Variants in FYN observed in about 807,000 individuals in gnomAD.
FYN encodes FYN proto-oncogene, Src family tyrosine kinase.
Under a neutral mutation model 70.2 loss-of-function variants are expected in FYN, and 10 were observed. The ratio of observed to expected loss-of-function variants is 0.14; its 90% confidence interval spans 0.09 to 0.24. FYN has a LOEUF of 0.24. Ranked by LOEUF, FYN falls within the 10% of genes least tolerant of loss-of-function variation. The probability of loss-of-function intolerance (pLI) is 1.00; values close to 1 mark genes in which losing one functional copy is unlikely to be tolerated. For synonymous variants in FYN, 236 were observed against 248.6 expected, an observed-to-expected ratio of 0.95 and a Z score of 0.48; for missense variants, 319 against 673.1, an observed-to-expected ratio of 0.47 and a Z score of 5.82.
At chr6:111,699,660 A>G (rs921010029) in intron 9 of FYN, 13 of 1,613,540 alleles carry the variant, frequency 8.1e-6, no homozygotes, top group East Asian at 2.2e-5. Flanking sequence ...AACACAAACC[A>G]TCAGCTTTCT....
Position 111,661,563 on chromosome 6 carries a change from G to A in FYN, c.*176C>T, listed in dbSNP as rs991117503. On this transcript the variant is annotated 3_prime_UTR_variant, in exon 14 of 14. Transcript: ENST00000354650. The surrounding 1 kb of genome is among the most constrained non-coding windows in gnomAD (Gnocchi z 4.0). Reference sequence around the variant, plus strand: ...CTCGAATGCTTCACAGAGGAGGTTCGGATTTGGGGACAAGTGTCATTAATG... The same window carrying A: ...CTCGAATGCTTCACAGAGGAGGTTCAGATTTGGGGACAAGTGTCATTAATG... 3.3e-5 allele frequency: 20 copies of A among 608,620 alleles called. No individual in the cohort carries two copies. Among genetic ancestry groups the A allele is most frequent in the Non-Finnish European group, 4.6e-5 (16 of 345,180 alleles). The allele number at this position is 608,620 out of a possible 1,614,324, so 37.7% of individuals were successfully genotyped here.
chr6:111,714,654 A>C (rs706885), intron 4 of FYN, among the ~76,000 whole-genome samples: 19,946 of 152,166 alleles, frequency 0.13, 2,538 homozygotes, highest in African/African-American at 0.33. Context: ...CTGTATCTGA[A>C]AGAAACCTAG....
Position 111,704,005 on chromosome 6 carries a change from T to C in FYN, c.541A>G (p.Thr181Ala). 1 of 1,612,430 alleles carries C rather than the reference T, an allele frequency of 6.2e-7. No individual in the cohort carries two copies. The highest frequency in any genetic ancestry group is 1.7e-5 in the Admixed American group (1 of 59,998). Reference protein sequence around the residue: ...GTFLIRESETTKGAYSLSIRD... With the variant: ...GTFLIRESETAKGAYSLSIRD... ...CTTCAACTCGTTATCTTACCTTTGG[T>C]GGTTTCACTCTCGCGGATAAGAAAG... The change falls in exon 7 of 14, where the codon ACC (threonine) becomes GCC (alanine). Residue 181 changes from threonine to alanine, a missense_variant. Physicochemically the swap from Thr to Ala is moderately conservative, Grantham distance 58. Coordinates refer to ENST00000354650, the MANE Select transcript of FYN (RefSeq NM_002037.5).
rs1370912847 is a variant in FYN, at chr6:111,713,941, C to A, written c.344+406G>T. ...TTGCAAGCCTCAAGTGAGGGCTTAG[C>A]TAGTGTAACATCTGAAATGTGAAGA... On this transcript the variant is annotated intron_variant, in intron 5 of 13. Coordinates refer to ENST00000354650, the MANE Select transcript of FYN (RefSeq NM_002037.5). Among the ~76,000 whole-genome samples the A allele has an allele frequency of 2.0e-5, 3 of 152,204 alleles. 1 individual carries two copies. Among genetic ancestry groups the A allele is most frequent in the Admixed American group, 2.0e-4 (3 of 15,286 alleles).
chr6:111,854,413 G>C (rs915717107), intron 1 of FYN, among the ~76,000 whole-genome samples: 2 of 152,170 alleles, frequency 1.3e-5, no homozygotes, highest in Admixed American at 1.3e-4. Flanking sequence ...GGTCTTGATT[G>C]GCAGTAGGAA....
chr6:111,694,815 C>T lies in FYN; in HGVS notation c.1043-111G>A. On this transcript the variant is annotated intron_variant, in intron 10 of 13. Coordinates refer to ENST00000354650, the MANE Select transcript of FYN (RefSeq NM_002037.5). The surrounding 1 kb of genome is among the most constrained non-coding windows in gnomAD (Gnocchi z 5.0). ...AATAAGGTAGTCAAATGGAATAATG[C>T]CATCCACATGGGGGGACAAAAAGGT... 1 of 885,828 alleles carries T rather than the reference C, an allele frequency of 1.1e-6. No homozygotes were observed. Among genetic ancestry groups the T allele is most frequent in the South Asian group, 1.7e-5 (1 of 59,014 alleles). The allele number at this position is 885,828 out of a possible 1,614,324, so 54.9% of individuals were successfully genotyped here.
chr6:111,724,478 C>T (rs978583391), intron 3 of FYN, among the ~76,000 whole-genome samples: 1 of 152,152 alleles, frequency 6.6e-6, no homozygotes, highest in East Asian at 1.9e-4. Context: ...TCGTCATGTG[C>T]CAATCAATAA....
chr6:111,750,929 G>T (rs1407174860), intron 3 of FYN, among the ~76,000 whole-genome samples: 1 of 152,116 alleles, frequency 6.6e-6, no homozygotes, highest in African/African-American at 2.4e-5. Flanking sequence ...TCGTAGACAT[G>T]AATGAGTGCA....
intron 2 of FYN, among the ~76,000 whole-genome samples, chr6:111,825,173 A>T (rs1356176545): frequency 6.6e-6 from 1 of 152,220 alleles, no homozygotes; most frequent in Non-Finnish European, 1.5e-5. Flanking sequence ...ATGGTCCCGA[A>T]CAAGACAAAC....
intron 3 of FYN, among the ~76,000 whole-genome samples, chr6:111,777,276 G>C (rs1365230551): frequency 2.0e-5 from 3 of 152,090 alleles, no homozygotes; most frequent in African/African-American, 7.2e-5. Flanking sequence ...CCTCTTAGCA[G>C]CCTTTCCACT....
At chr6:111,703,153 C>T (rs1395165764) in intron 7 of FYN, 119 bp from the exon 8 acceptor site, 9 of 809,520 alleles carry the variant, frequency 1.1e-5, no homozygotes, top group Non-Finnish European at 1.8e-5. Flanking sequence ...CATGTACACA[C>T]ACACAGCATC....
At chr6:111,667,056 C>A (rs75283585) in intron 13 of FYN, among the ~76,000 whole-genome samples, 6 of 152,144 alleles carry the variant, frequency 3.9e-5, no homozygotes, top group African/African-American at 1.4e-4. Context: ...TTGCTGGCTT[C>A]CTCCAGCAAA....
At chr6:111,668,159 G>T (rs542661673) in intron 13 of FYN, among the ~76,000 whole-genome samples, 8 of 152,230 alleles carry the variant, frequency 5.3e-5, no homozygotes, top group Non-Finnish European at 1.0e-4. Flanking sequence ...CTGCGCCATC[G>T]CATGTGCTTG....
chr6:111,774,358 G>A (rs1414882722), intron 3 of FYN, among the ~76,000 whole-genome samples: 1 of 152,274 alleles, frequency 6.6e-6, no homozygotes, highest in Non-Finnish European at 1.5e-5. Flanking sequence ...GATAGTGCGG[G>A]TGTGCACCTG....
chr6:111,850,439 T>C (rs1773653431), intron 1 of FYN, among the ~76,000 whole-genome samples: 1 of 152,226 alleles, frequency 6.6e-6, no homozygotes, highest in African/African-American at 2.4e-5. Context: ...CATAGCTCTA[T>C]TCAACCACAA....
intron 2 of FYN, among the ~76,000 whole-genome samples, chr6:111,834,551 C>T (rs957542150): frequency 6.6e-5 from 10 of 152,106 alleles, no homozygotes; most frequent in African/African-American, 2.4e-4. Context: ...CAAGGACTCA[C>T]CTGCGTTTAT....
chr6:111,848,436 T>C lies in FYN; in HGVS notation c.-122-1807A>G, dbSNP rs72944222. 2.0e-3 allele frequency among the ~76,000 whole-genome samples: 302 copies of C among 152,322 alleles called. 1 individual carries two copies. Among genetic ancestry groups the C allele is most frequent in the South Asian group, 5.2e-3 (25 of 4,826 alleles). ...ACAGCACTTTAGCAACCAGTACCAATAGGAAAACGGAAAACCCATTTGAAG... is the reference window on the plus strand; with the variant it reads ...ACAGCACTTTAGCAACCAGTACCAACAGGAAAACGGAAAACCCATTTGAAG... On this transcript the variant is annotated intron_variant, in intron 1 of 13. Coordinates refer to ENST00000354650, the MANE Select transcript of FYN (RefSeq NM_002037.5).
At chr6:111,791,688 T>G (rs1245717865) in intron 2 of FYN, among the ~76,000 whole-genome samples, 1 of 152,154 alleles carries the variant, frequency 6.6e-6, no homozygotes, top group African/African-American at 2.4e-5. Flanking sequence ...CCCTAGAGCC[T>G]TCATCAGAGA....
chr6:111,812,538 C>A (rs1350686908), intron 2 of FYN, among the ~76,000 whole-genome samples: 1 of 149,748 alleles, frequency 6.7e-6, no homozygotes, highest in Non-Finnish European at 1.5e-5. Flanking sequence ...TACTTAGAAA[C>A]CAAATATGCT....
Sources: gnomAD v4.1 joint callset for allele counts (sites outside exome capture counted in the v4.1 genomes callset) on GRCh38, gnomAD v4.1.1 for gene constraint, Gnocchi (gnomAD v3.1) non-coding constraint, MANE v1.5 for transcripts, NCBI Gene and HGNC (gene_info 2026-07-23, HGNC 2026-07-21) for gene names.